Variants in C6orf132 observed in about 807,000 individuals in gnomAD.
The protein encoded by C6orf132 is uncharacterized protein C6orf132.
Under a neutral mutation model 65.3 loss-of-function variants are expected in C6orf132, and 43 were observed. That is an observed-to-expected ratio of 0.66 (90% confidence interval 0.52 to 0.85). The LOEUF is 0.85. Ranked by LOEUF, C6orf132 falls within the 40% of genes least tolerant of loss-of-function variation. C6orf132 has a pLI of 0.00. For missense variants in C6orf132, 1,488 were observed against 1,548.8 expected (o/e 0.96, Z 0.66); for synonymous variants, 631 against 654.1 (o/e 0.96, Z 0.54).
chr6:42,105,393 G>A lies in C6orf132; in HGVS notation c.2519C>T (p.Ala840Val), dbSNP rs1255501024. ...CCTCTGCCTGGCCGCCAGGAGCAGGGCCATCGGCGAGCCCCGCTCCACCAC... is the reference window on the plus strand; with the variant it reads ...CCTCTGCCTGGCCGCCAGGAGCAGGACCATCGGCGAGCCCCGCTCCACCAC... ...GEVVERGSPM[A>V]LLLAARQRAQ... The change falls in exon 4 of 5, where the codon GCC becomes GTC. Residue 840 changes from alanine to valine, a missense_variant. By Grantham distance (64) the Ala-to-Val change is moderately conservative. Transcript: ENST00000341865. The A allele has an allele frequency of 6.5e-7, 1 of 1,535,712 alleles. No homozygotes were observed. Among genetic ancestry groups the A allele is most frequent in the African/African-American group, 1.4e-5 (1 of 73,022 alleles).
At position 42,107,107 on chromosome 6, in the gene C6orf132, C is replaced by A; in HGVS notation, c.805G>T (p.Ala269Ser). 3 of 1,456,678 alleles carry A rather than the reference C, an allele frequency of 2.1e-6. No homozygotes were observed. The highest frequency in any genetic ancestry group is 3.6e-4 in the Middle Eastern group (2 of 5,586). 90.2% of individuals were successfully genotyped at this position (1,456,678 alleles called of 1,614,324 possible). A position where few individuals can be genotyped will look rare whatever the true frequency, so the allele number is the denominator to read the frequency against. The change falls in exon 4 of 5, where the codon GCA becomes TCA. Residue 269 changes from alanine (A) to serine (S), a missense_variant. Physicochemically the swap from Ala to Ser is moderately conservative, Grantham distance 99 (BLOSUM62 1). Coordinates refer to ENST00000341865, the MANE Select transcript of C6orf132 (RefSeq NM_001164446.3). ...KSDVALNGRQ[A>S]EATRASPPRS... is the part of the protein sequence containing the mutation. ...GGGGGGCTGGCTCTGGTGGCCTCTG[C>A]CTGCCTGCCATTCAGTGCTACATCT...
Position 42,104,316 on chromosome 6 carries a change from G to A in C6orf132, c.3449+147C>T. The A allele has an allele frequency of 1.7e-6, 2 of 1,206,676 alleles. No individual in the cohort carries two copies. Among genetic ancestry groups the A allele is most frequent in the Non-Finnish European group, 2.1e-6 (2 of 967,640 alleles). 74.7% of individuals were successfully genotyped at this position (1,206,676 alleles called of 1,614,324 possible). On this transcript the variant is annotated intron_variant, in intron 4 of 4. Coordinates refer to ENST00000341865, the MANE Select transcript of C6orf132 (RefSeq NM_001164446.3). This position sits in a 1 kb window ranked among gnomAD's most constrained non-coding sequence, Gnocchi z 4.1. The stretch of plus-strand genomic sequence containing the variant: ...AAGGCGCCAACAGCGCCCTCTCCCG[G>A]TAAGTGGGCCTCCCTCCCGCGTTCT...
chr6:42,135,657 A>G (rs1766930373), intron 1 of C6orf132, among the ~76,000 whole-genome samples: 1 of 152,252 alleles, frequency 6.6e-6, no homozygotes, highest in Non-Finnish European at 1.5e-5. Context: ...CTTTCCCCAC[A>G]TTCTAGCTAG....
In C6orf132 at chr6:42,106,748, C is replaced by G; in HGVS notation, c.1164G>C (p.Gly388=). 1.3e-6 allele frequency: 2 copies of G among 1,531,194 alleles called. No individual in the cohort carries two copies. The highest frequency in any genetic ancestry group is 1.2e-5 in the South Asian group (1 of 83,830). 94.9% of individuals were successfully genotyped at this position (1,531,194 alleles called of 1,614,324 possible). Residue 388 remains glycine (G), a synonymous_variant, in exon 4 of 5, where the codon GGG becomes GGC. Coordinates refer to ENST00000341865, the MANE Select transcript of C6orf132 (RefSeq NM_001164446.3). ...GCAGGGGAGGGGCTGGAGGCGGAGT[C>G]CCAGCTCGTTCATCTGCTTGGGACT... ...QSQSQADERA[G]TPPPAPPLPP... is the part of the protein sequence containing the mutation.
chr6:42,103,745 TA>T lies in C6orf132; in HGVS notation c.*15del. The T allele has an allele frequency of 7.3e-7, 1 of 1,364,638 alleles. No individual in the cohort carries two copies. The highest frequency in any genetic ancestry group is 9.5e-7 in the Non-Finnish European group (1 of 1,051,486). The allele number at this position is 1,364,638 out of a possible 1,614,324, so 84.5% of individuals were successfully genotyped here. ...AAGACACAGTTTGTTGGAGTAGAGC[TA>T]AGAGAACCCCTGGCTCAGGAGGTGG... On this transcript the variant is annotated 3_prime_UTR_variant, in exon 5 of 5. Coordinates refer to ENST00000341865, the MANE Select transcript of C6orf132 (RefSeq NM_001164446.3).
At position 42,103,896 on chromosome 6, in the gene C6orf132, A is replaced by G; in HGVS notation, c.3450-18T>C. 7.2e-7 allele frequency: 1 copy of G among 1,381,084 alleles called. No individual in the cohort carries two copies. The highest frequency in any genetic ancestry group is 9.4e-7 in the Non-Finnish European group (1 of 1,061,414). The allele number at this position is 1,381,084 out of a possible 1,614,324, so 85.6% of individuals were successfully genotyped here. A position where few individuals can be genotyped will look rare whatever the true frequency, so the allele number is the denominator to read the frequency against. ...AGGGAGACCTGGGGGAGAGCAAGAG[A>G]TGTGAGGTGAATATCTGCAGCTGGT... On this transcript the variant is annotated intron_variant, in intron 4 of 4. Coordinates refer to ENST00000341865, the MANE Select transcript of C6orf132 (RefSeq NM_001164446.3).
chr6:42,105,769 C>T lies in C6orf132; in HGVS notation c.2143G>A (p.Gly715Ser). 1 of 1,537,334 alleles carries T rather than the reference C, an allele frequency of 6.5e-7. No individual in the cohort carries two copies. The highest frequency in any genetic ancestry group is 1.4e-5 in the African/African-American group (1 of 73,190). Residue 715 changes from glycine to serine, a missense_variant, in exon 4 of 5, where the codon GGC (glycine) becomes AGC (serine). Coordinates refer to ENST00000341865, the MANE Select transcript of C6orf132 (RefSeq NM_001164446.3). The part of the protein sequence containing the change: ...LMAEKDSGPA[G>S]QPEKPASQEV... ...TGAGATGCTGGCTTCTCTGGCTGGC[C>T]AGCTGGGCCTGAGTCCTTCTCTGCC...
chr6:42,125,399 C>T (rs1194104528), intron 2 of C6orf132, among the ~76,000 whole-genome samples: 1 of 152,156 alleles, frequency 6.6e-6, no homozygotes, highest in Non-Finnish European at 1.5e-5. Flanking sequence ...ACATGGTCCA[C>T]GTGGAATGGT....
chr6:42,137,811 A>AGGGGCGGGGGCGGGGCGGGGCGGGGC (rs1318512215), intron 1 of C6orf132, among the ~76,000 whole-genome samples: 1 of 18,798 alleles, frequency 5.3e-5, no homozygotes, highest in Admixed American at 7.0e-4. Context: ...AGGCCGAGGC[A>AGGGGCGGGGGCGGGGCGGGGCGGGGC]GGGGCGGGGG....
Position 42,106,144 on chromosome 6 carries a change from G to C in C6orf132, c.1768C>G (p.Pro590Ala). The change falls in exon 4 of 5, where the codon CCC becomes GCC. Residue 590 changes from proline (P) to alanine (A), a missense_variant. Physicochemically the swap from Pro to Ala is conservative, Grantham distance 27. Coordinates refer to ENST00000341865, the MANE Select transcript of C6orf132 (RefSeq NM_001164446.3). ...KEAKPSIGSL[P>A]PKPRLEGGRI... is the part of the protein sequence containing the mutation. ...CCCCCTTCTAGCCGAGGCTTAGGGG[G>C]CAGAGATCCTATGCTGGGCTTAGCC... 1 of 1,537,270 alleles carries C rather than the reference G, an allele frequency of 6.5e-7. No homozygotes were observed. Among genetic ancestry groups the C allele is most frequent in the East Asian group, 2.4e-5 (1 of 40,916 alleles).
intron 2 of C6orf132, among the ~76,000 whole-genome samples, chr6:42,115,940 T>C (rs1422739364): frequency 2.7e-5 from 4 of 146,406 alleles, no homozygotes; most frequent in East Asian, 2.0e-4. Context: ...TTTTCTTTTT[T>C]TTTTTTTTTG....
rs1327391928 is a variant in C6orf132 at position 42,142,337 on chromosome 6, G to A, written c.108C>T (p.Phe36=). The change falls in exon 1 of 5, where the codon TTC becomes TTT. Residue 36 remains phenylalanine (F), a synonymous_variant. Coordinates refer to ENST00000341865, the MANE Select transcript of C6orf132 (RefSeq NM_001164446.3). Reference sequence around the variant, plus strand: ...TCCCCTCCTCCGGGGCCTCCTGGGTGAAGATCCAGGGCGGATTGGTGGCGT... The same window carrying A: ...TCCCCTCCTCCGGGGCCTCCTGGGTAAAGATCCAGGGCGGATTGGTGGCGT... ...SLYATNPPWI[F]TQEAPEEGTG... 12 of 1,551,254 alleles carry A rather than the reference G, an allele frequency of 7.7e-6. No homozygotes were observed. The highest frequency in any genetic ancestry group is 2.7e-5 in the African/African-American group (2 of 73,028).
rs556142891 is a variant in C6orf132 at position 42,117,923 on chromosome 6, CAAAAAAAA to C, written c.253-7640_253-7633del. ...TGAGTGACAGAGCAAAACCCTGTCA[CAAAAAAAA>C]AAAAAAAAAAAAAAAAAAAGAATAT... On this transcript the variant is annotated intron_variant, in intron 2 of 4. Transcript: ENST00000341865. Among the ~76,000 whole-genome samples the C allele has an allele frequency of 8.5e-3, 530 of 62,368 alleles. 2 individuals are homozygous for C. The highest frequency in any genetic ancestry group is 0.029 in the African/African-American group (481 of 16,774). 40.9% of individuals were successfully genotyped at this position (62,368 alleles called of 152,430 possible). A position where few individuals can be genotyped will look rare whatever the true frequency, so the allele number is the denominator to read the frequency against.
chr6:42,136,220 A>G (rs900998233), intron 1 of C6orf132, among the ~76,000 whole-genome samples: 7 of 151,592 alleles, frequency 4.6e-5, no homozygotes, highest in Admixed American at 4.6e-4. Flanking sequence ...CCTAGGAATC[A>G]TATCTGGATT....
chr6:42,128,806 T>C (rs1208217867), intron 1 of C6orf132, 28 bp from the exon 2 acceptor site: 1 of 1,510,792 alleles, frequency 6.6e-7, no homozygotes, highest in Non-Finnish European at 9.0e-7. Context: ...GGGGACACCA[T>C]AAGCTGGAGA....
intron 1 of C6orf132, among the ~76,000 whole-genome samples, chr6:42,140,906 C>A (rs1767019767): frequency 1.3e-5 from 2 of 152,184 alleles, no homozygotes; most frequent in South Asian, 4.1e-4. Context: ...CACTTGCCTG[C>A]ACACCTGTGT....
chr6:42,113,893 A>G (rs1417026593), intron 2 of C6orf132, among the ~76,000 whole-genome samples: 6 of 152,188 alleles, frequency 3.9e-5, no homozygotes, highest in Non-Finnish European at 8.8e-5. Context: ...TATTATGAGA[A>G]TCAAATGAGA....
At chr6:42,107,646 G>A in intron 3 of C6orf132, 63 bp from the exon 4 acceptor site, 2 of 1,546,308 alleles carry the variant, frequency 1.3e-6, no homozygotes, top group Non-Finnish European at 1.7e-6. Flanking sequence ...GCCAATTTCT[G>A]TTTACCCAGG....
In C6orf132 at chr6:42,105,533, CCCT is replaced by C. The variant is rs201084953; in HGVS notation, c.2376_2378del (p.Gly793del). ...CCACGGGCTCCCCTGGCCCTGCAGC[CCCT>C]CCTCTGGCCAGGGTGGGCATCACCA... is the stretch of plus-strand genomic sequence containing the variant. On this transcript the variant is annotated inframe_deletion, in exon 4 of 5. Transcript: ENST00000341865. The C allele has an allele frequency of 1.1e-4, 162 of 1,534,006 alleles. 1 individual carries two copies. In the East Asian group the frequency reaches 2.5e-3, roughly 24 times the overall value.
Sources: allele counts gnomAD v4.1 joint callset (sites outside exome capture counted in the v4.1 genomes callset), GRCh38; gene constraint gnomAD v4.1.1; non-coding constraint Gnocchi (gnomAD v3.1); transcripts MANE v1.5; gene names NCBI Gene and HGNC (gene_info 2026-07-23, HGNC 2026-07-21).